The following TIAM2 variants were observed in gnomAD, a reference collection of about 807,000 sequenced individuals.
The protein encoded by TIAM2 is TIAM Rac1 associated GEF 2, also known as rho guanine nucleotide exchange factor TIAM2.
Under a neutral mutation model 152.9 loss-of-function variants are expected in TIAM2, and 80 were observed. The ratio of observed to expected loss-of-function variants is 0.52; its 90% CI spans 0.44 to 0.63. The LOEUF (loss-of-function observed/expected upper bound fraction) is 0.63, where lower values mean the gene tolerates loss of function less well. TIAM2 is among the 30% of genes least tolerant of loss of function. TIAM2 has a pLI of 0.00. For synonymous variants in TIAM2, 804 were observed against 838.0 expected, an observed-to-expected ratio of 0.96 and a Z score of 0.70; for missense variants, 1,965 against 2,120.1, an observed-to-expected ratio of 0.93 and a Z score of 1.44.
chr6:155,222,632 C>A (rs199675705), intron 15 of TIAM2, among the ~76,000 whole-genome samples: 2,418 of 26,582 alleles, frequency 0.091, 70 homozygotes, highest in African/African-American at 0.3. Context: ...AAAAAAAACA[C>A]AAAAAAAACC....
chr6:155,176,738 G>T, intron 9 of TIAM2, 78 bp from the exon 10 acceptor site: 3 of 1,493,950 alleles, frequency 2.0e-6, no homozygotes, highest in East Asian at 2.3e-5. Context: ...CTCCGTAAAT[G>T]AACAGGACAT....
chr6:155,118,970 T>G (rs4870357), intron 2 of TIAM2, among the ~76,000 whole-genome samples: 64,244 of 150,508 alleles, frequency 0.43, 15,607 homozygotes, highest in East Asian at 0.66. Context: ...AAAAAAATCT[T>G]GTACTTACTG....
At chr6:155,198,666 C>CAAAAAAAAAAAAAAAAAAAAAAAAA (rs10626644) in intron 14 of TIAM2, among the ~76,000 whole-genome samples, 1 of 70,360 alleles carries the variant, frequency 1.4e-5, no homozygotes. Context: ...GAGCAAATCT[C>CAAAAAAAAAAAAAAAAAAAAAAAAA]AAAAAAAAAA....
intron 1 of TIAM2, among the ~76,000 whole-genome samples, chr6:155,015,029 G>A (rs927654205): frequency 6.6e-6 from 1 of 152,100 alleles, no homozygotes; most frequent in African/African-American, 2.4e-5. Flanking sequence ...GGTGTTGGAG[G>A]GTTGGACTGG....
intron 19 of TIAM2, among the ~76,000 whole-genome samples, chr6:155,246,508 A>G (rs1783340908): frequency 6.6e-6 from 1 of 152,142 alleles, no homozygotes; most frequent in South Asian, 2.1e-4. Flanking sequence ...TTAAAAATGT[A>G]AAAATGTTCG....
chr6:155,002,280 A>G (rs1319315581), intron 1 of TIAM2, among the ~76,000 whole-genome samples: 1 of 152,164 alleles, frequency 6.6e-6, no homozygotes, highest in Admixed American at 6.5e-5. Flanking sequence ...GCATAGTGGC[A>G]TATGCCTGTA....
chr6:155,033,997 G>A (rs945334854), intron 1 of TIAM2, among the ~76,000 whole-genome samples: 10 of 151,614 alleles, frequency 6.6e-5, no homozygotes, highest in East Asian at 2.0e-4. Flanking sequence ...GATTACAGGC[G>A]TGAGCCACCG....
At chr6:155,133,799 A>T (rs1353853012) in intron 4 of TIAM2, among the ~76,000 whole-genome samples, 1 of 151,110 alleles carries the variant, frequency 6.6e-6, no homozygotes, top group African/African-American at 2.4e-5. Context: ...CAGTGGCGCC[A>T]TGTCGGCTCA....
chr6:155,198,363 T>C (rs900159234), intron 14 of TIAM2, among the ~76,000 whole-genome samples: 2 of 152,148 alleles, frequency 1.3e-5, no homozygotes, highest in Admixed American at 6.5e-5. Context: ...AGGAAGGTTG[T>C]TAGAAATCTC....
At chr6:155,217,836 C>T (rs73006761) in intron 15 of TIAM2, among the ~76,000 whole-genome samples, 9,709 of 151,960 alleles carry the variant, frequency 0.064, 423 homozygotes, top group Non-Finnish European at 0.095. Flanking sequence ...TTTTTCTAGG[C>T]AGAAAAAAAA....
Position 155,140,931 on chromosome 6 carries a change from G to A in TIAM2, c.1630+3319G>A, listed in dbSNP as rs118127968. 1.2e-4 allele frequency among the ~76,000 whole-genome samples: 19 copies of A among 152,234 alleles called. No individual in the cohort carries two copies. In the South Asian group the frequency reaches 1.5e-3, roughly 12 times the overall value. ...CACATTTGTCCAGAGCCAAATTGTCGCAGGCTTCTTGAGGGAAACTCAGGC... is the reference window on the plus strand; with the variant it reads ...CACATTTGTCCAGAGCCAAATTGTCACAGGCTTCTTGAGGGAAACTCAGGC... On this transcript the variant is annotated intron_variant, in intron 5 of 26. Coordinates refer to ENST00000682666, the MANE Select transcript of TIAM2 (RefSeq NM_012454.4).
intron 20 of TIAM2, among the ~76,000 whole-genome samples, chr6:155,248,894 A>G (rs1463151865): frequency 6.6e-6 from 1 of 152,250 alleles, no homozygotes; most frequent in Non-Finnish European, 1.5e-5. Context: ...ACACTTTAGT[A>G]TTACTGAATA....
chr6:155,254,376 A>G (rs781022334), intron 25 of TIAM2, 43 bp from the exon 26 acceptor site: 2 of 1,598,770 alleles, frequency 1.3e-6, no homozygotes, highest in South Asian at 2.2e-5. Flanking sequence ...AGCACGATGA[A>G]CACTGTGGAC....
intron 1 of TIAM2, among the ~76,000 whole-genome samples, chr6:155,029,448 GTATATAT>G (rs1361141376): frequency 0.021 from 613 of 29,136 alleles, 121 homozygotes; most frequent in African/African-American, 0.081. Context: ...TTATACTATA[GTATATAT>G]TATATATAAT....
At chr6:155,194,602 A>G (rs932266609) in intron 14 of TIAM2, among the ~76,000 whole-genome samples, 1 of 152,168 alleles carries the variant, frequency 6.6e-6, no homozygotes, top group African/African-American at 2.4e-5. Flanking sequence ...TCTGTCTTGT[A>G]TTTGTCACCA....
intron 23 of TIAM2, among the ~76,000 whole-genome samples, chr6:155,252,487 A>T (rs767972902): frequency 6.6e-6 from 1 of 152,160 alleles, no homozygotes; most frequent in Non-Finnish European, 1.5e-5. Flanking sequence ...TAAATAAGTA[A>T]ATAAAGTAGA....
intron 26 of TIAM2, 24 bp from the exon 27 acceptor site, chr6:155,256,460 C>T (rs200250900): frequency 3.5e-5 from 56 of 1,613,744 alleles, no homozygotes; most frequent in South Asian, 2.3e-4. Context: ...TGTATCACAG[C>T]GAAATGTGTT....
At chr6:155,185,979 G>A (rs542557736) in intron 14 of TIAM2, among the ~76,000 whole-genome samples, 1 of 152,206 alleles carries the variant, frequency 6.6e-6, no homozygotes, top group African/African-American at 2.4e-5. Flanking sequence ...AGGTAGTTGC[G>A]TTGCTTGTGA....
intron 1 of TIAM2, among the ~76,000 whole-genome samples, chr6:155,075,741 C>T (rs907621370): frequency 1.3e-5 from 2 of 152,052 alleles, no homozygotes; most frequent in Non-Finnish European, 2.9e-5. Context: ...ATTTTATATT[C>T]GAAAGAATTT....
Sources: gnomAD v4.1 joint callset for allele counts (sites outside exome capture counted in the v4.1 genomes callset) on GRCh38, gnomAD v4.1.1 for gene constraint, MANE v1.5 for transcripts, NCBI Gene and HGNC (gene_info 2026-07-23, HGNC 2026-07-21) for gene names.